Variants in FHDC1 observed in about 807,000 individuals in gnomAD.
FHDC1 encodes FH2 domain containing 1, also known as FH2 domain-containing protein 1.
FHDC1 carries 25 observed loss-of-function variants against 52.6 expected under a neutral mutation model. The observed-to-expected ratio is 0.48, with a 90% confidence interval of 0.35 to 0.66. The LOEUF (loss-of-function observed/expected upper bound fraction) is 0.66. FHDC1 is among the 30% of genes least tolerant of loss of function. The pLI is 0.01. For synonymous variants in FHDC1, 616 were observed against 581.5 expected, an observed-to-expected ratio of 1.06 and a Z score of -0.85; for missense variants, 1,459 against 1,452.8, an observed-to-expected ratio of 1.00 and a Z score of -0.07.
At chr4:152,917,774 A>G in the FHDC1 span, among the ~76,000 whole-genome samples, 1 of 152,236 alleles carries the variant, frequency 6.6e-6, no homozygotes. Flanking sequence ...GCCTGATTCC[A>G]CTAACACCTT....
intron 4 of FHDC1, among the ~76,000 whole-genome samples, chr4:152,957,822 C>G (rs1348367017): frequency 1.3e-5 from 2 of 152,152 alleles, no homozygotes; most frequent in Non-Finnish European, 2.9e-5. Flanking sequence ...CATCTTTCCT[C>G]TAATAGAGGT....
chr4:152,955,962 G>C (rs925538398), intron 4 of FHDC1, among the ~76,000 whole-genome samples: 12 of 151,984 alleles, frequency 7.9e-5, no homozygotes, highest in Non-Finnish European at 1.5e-4. Flanking sequence ...TCTCCCTCAG[G>C]TTTTCTCTTT....
At chr4:152,962,682 T>C in intron 6 of FHDC1, 132 bp from the exon 7 acceptor site, 1 of 675,048 alleles carries the variant, frequency 1.5e-6, no homozygotes, top group Non-Finnish European at 2.6e-6. Flanking sequence ...CTTTGTTTGT[T>C]TTTTCCGTTT....
chr4:152,920,346 C>T, the FHDC1 span, among the ~76,000 whole-genome samples: 2 of 152,062 alleles, frequency 1.3e-5, no homozygotes, highest in Admixed American at 6.5e-5. Context: ...AATGTGTCTT[C>T]CTTGGTTATC....
the FHDC1 span, chr4:152,928,056 C>T: frequency 1.4e-6 from 2 of 1,409,348 alleles, no homozygotes; most frequent in Non-Finnish European, 2.0e-6. Context: ...CACTGCCCCT[C>T]TGCTGCAGTC....
At chr4:152,926,834 C>T in the FHDC1 span, among the ~76,000 whole-genome samples, 1 of 151,380 alleles carries the variant, frequency 6.6e-6, no homozygotes, top group African/African-American at 2.4e-5. Context: ...AAAATACAAA[C>T]AAGCAACAGT....
intron 1 of FHDC1, among the ~76,000 whole-genome samples, chr4:152,937,288 G>C (rs898342339): frequency 6.6e-6 from 1 of 152,170 alleles, no homozygotes; most frequent in Non-Finnish European, 1.5e-5. Context: ...TTGGGAGCGC[G>C]CGGCCGCCGC....
chr4:152,933,600 G>A (rs1030755642), upstream of FHDC1, among the ~76,000 whole-genome samples: 1 of 151,866 alleles, frequency 6.6e-6, no homozygotes, highest in South Asian at 2.1e-4. Context: ...AGGTGTGGTG[G>A]TGCATGCTTG....
chr4:152,952,329 C>A (rs1318315829), intron 2 of FHDC1, among the ~76,000 whole-genome samples: 2 of 151,902 alleles, frequency 1.3e-5, no homozygotes, highest in Non-Finnish European at 2.9e-5. Flanking sequence ...TCAAATCTCA[C>A]GCGATTCTTG....
intron 2 of FHDC1, among the ~76,000 whole-genome samples, chr4:152,952,320 C>A (rs910885143): frequency 6.6e-6 from 1 of 151,738 alleles, no homozygotes; most frequent in African/African-American, 2.4e-5. Flanking sequence ...TTTCTCAGTT[C>A]AAATCTCACG....
chr4:152,972,306 C>A, intron 10 of FHDC1, 71 bp from the exon 11 acceptor site: 1 of 1,434,520 alleles, frequency 7.0e-7, no homozygotes, highest in Non-Finnish European at 9.3e-7. Context: ...CTCTGGGCAC[C>A]GGATGCAGTG....
chr4:152,959,756 A>C (rs1345070122), intron 4 of FHDC1, among the ~76,000 whole-genome samples: 2 of 152,118 alleles, frequency 1.3e-5, no homozygotes, highest in African/African-American at 2.4e-5. Flanking sequence ...GGAGGATTGG[A>C]GGTTAATAGA....
chr4:152,979,603 T>C lies in FHDC1; in HGVS notation c.*2880T>C, dbSNP rs1299524523. ...GTAAATTTGTTTAAAATAAACTGAA[T>C]GTATTTAATGGTCCATTTATATGTT... On this transcript the variant is annotated 3_prime_UTR_variant, in exon 12 of 12. Coordinates refer to ENST00000511601, the MANE Select transcript of FHDC1 (RefSeq NM_001371116.1). 6.6e-6 allele frequency: 1 copy of C among 152,260 alleles called. No homozygotes were observed. The highest frequency in any genetic ancestry group is 2.4e-5 in the African/African-American group (1 of 41,470). 9.4% of individuals were successfully genotyped at this position (152,260 alleles called of 1,614,324 possible). A position where few individuals can be genotyped will look rare whatever the true frequency, so the allele number is the denominator to read the frequency against.
the FHDC1 span, among the ~76,000 whole-genome samples, chr4:152,918,784 T>C: frequency 1.3e-5 from 2 of 152,376 alleles, no homozygotes; most frequent in South Asian, 4.1e-4. Context: ...CCTAAAATCT[T>C]ATGATACCTG....
At position 152,975,203 on chromosome 4, in the gene FHDC1, C is replaced by A; in HGVS notation, c.1912C>A (p.Arg638=). Residue 638 remains arginine (R), a synonymous_variant, in exon 12 of 12, where the codon CGG becomes AGG. Coordinates refer to ENST00000511601, the MANE Select transcript of FHDC1 (RefSeq NM_001371116.1). ...CCATGCCTCTGCCTTCCCCAGAGCT[C>A]GGCGCCAGGGCGTCAGTGTCCTCCG... ...ENHASAFPRA[R]RQGVSVLRKR... is the part of the protein sequence containing the mutation. 1 of 1,613,260 alleles carries A rather than the reference C, an allele frequency of 6.2e-7. No homozygotes were observed. Among genetic ancestry groups the A allele is most frequent in the Non-Finnish European group, 8.5e-7 (1 of 1,180,004 alleles).
intron 4 of FHDC1, among the ~76,000 whole-genome samples, chr4:152,958,685 C>T (rs1178183733): frequency 6.6e-6 from 1 of 152,174 alleles, no homozygotes; most frequent in Non-Finnish European, 1.5e-5. Context: ...ATACAACTTC[C>T]CTCTGCCCCT....
chr4:152,918,807 A>G, the FHDC1 span, among the ~76,000 whole-genome samples: 1 of 152,198 alleles, frequency 6.6e-6, no homozygotes, highest in Non-Finnish European at 1.5e-5. Flanking sequence ...TGTTCCCTTC[A>G]TGCACTCTTA....
In FHDC1 at chr4:152,963,080, G is replaced by A. The variant is rs768564454; in HGVS notation, c.979G>A (p.Asp327Asn). ...FKLSSLLKLA[D>N]TKANKPGMNL... ...ACTGTCTTCTTTGCTCAAATTGGCA[G>A]ACACAAAAGCAAACAAACCTGGGAT... Residue 327 changes from aspartate to asparagine, a missense_variant, in exon 8 of 12, where the codon GAC becomes AAC. Around this residue, in one of 3 missense-constraint regions of FHDC1, gnomAD observed 513 missense variants for 581.5 expected, o/e 0.88. Transcript: ENST00000511601. 22 of 1,613,848 alleles carry A rather than the reference G, an allele frequency of 1.4e-5. No homozygotes were observed. In the African/African-American group the frequency reaches 2.5e-4, roughly 19 times the overall value.
At chr4:152,911,900 T>G in the FHDC1 span, 1 of 152,570 alleles carries the variant, frequency 6.6e-6, no homozygotes, top group Non-Finnish European at 1.5e-5. Flanking sequence ...TTAAACGTGT[T>G]TGCTGCAGTA....
Sources: gnomAD v4.1 joint callset for allele counts (sites outside exome capture counted in the v4.1 genomes callset) on GRCh38, gnomAD v4.1.1 for gene constraint, gnomAD v4.1.1 regional missense constraint, MANE v1.5 for transcripts, NCBI Gene and HGNC (gene_info 2026-07-23, HGNC 2026-07-21) for gene names.